DLG2: variants seen among roughly 807,000 people sequenced by gnomAD.
DLG2 encodes disks large homolog 2.
In DLG2, 45 loss-of-function variants were observed where a neutral mutation model predicts 132.5. That is an observed-to-expected ratio of 0.34 (90% confidence interval 0.27 to 0.44). The LOEUF (loss-of-function observed/expected upper bound fraction) is 0.44. Ranked by LOEUF, DLG2 falls within the 20% of genes least tolerant of loss-of-function variation. DLG2 has a pLI of 1.00. For synonymous variants in DLG2, 424 were observed against 419.6 expected, an observed-to-expected ratio of 1.01 and a Z score of -0.13; for missense variants, 1,045 against 1,196.9, an observed-to-expected ratio of 0.87 and a Z score of 1.87.
At chr11:85,442,537 G>C (rs2091832974) in intron 3 of DLG2, among the ~76,000 whole-genome samples, 1 of 152,068 alleles carries the variant, frequency 6.6e-6, no homozygotes, top group African/African-American at 2.4e-5. Flanking sequence ...GAGAAAGTTA[G>C]AAATAAAAGG....
At chr11:84,928,035 C>A (rs2047609578) in intron 6 of DLG2, among the ~76,000 whole-genome samples, 1 of 151,612 alleles carries the variant, frequency 6.6e-6, no homozygotes. Context: ...TTGGCTCTCA[C>A]AAAAAATAGG....
At chr11:85,471,851 C>A (rs1403010712) in intron 3 of DLG2, among the ~76,000 whole-genome samples, 2 of 151,426 alleles carry the variant, frequency 1.3e-5, no homozygotes, top group African/African-American at 4.9e-5. Flanking sequence ...GACTAGCACA[C>A]CAAATTAAAA....
intron 7 of DLG2, among the ~76,000 whole-genome samples, chr11:84,478,843 T>G (rs2099128954): frequency 6.6e-6 from 1 of 152,060 alleles, no homozygotes; most frequent in South Asian, 2.1e-4. Context: ...ATCCCAAAAC[T>G]AGAATCTTTG....
At chr11:84,920,938 C>T (rs1030184072) in intron 6 of DLG2, among the ~76,000 whole-genome samples, 1 of 151,984 alleles carries the variant, frequency 6.6e-6, no homozygotes, top group African/African-American at 2.4e-5. Context: ...TGAATTTTAA[C>T]CATCTTAAAG....
chr11:84,626,764 A>T (rs931155488), intron 6 of DLG2, among the ~76,000 whole-genome samples: 12 of 152,306 alleles, frequency 7.9e-5, no homozygotes, highest in African/African-American at 2.6e-4. Context: ...AAGGTTTTCT[A>T]AGCAGTGCTC....
At chr11:84,427,880 C>A (rs1015039743) in intron 7 of DLG2, among the ~76,000 whole-genome samples, 1 of 152,160 alleles carries the variant, frequency 6.6e-6, no homozygotes, top group Admixed American at 6.5e-5. Flanking sequence ...AAGTTACCAG[C>A]CCTTCTGATA....
intron 12 of DLG2, among the ~76,000 whole-genome samples, chr11:83,980,144 G>C (rs565689242): frequency 6.6e-6 from 1 of 152,082 alleles, no homozygotes; most frequent in East Asian, 1.9e-4. Context: ...AGATAATTAA[G>C]GTTAAATGAG....
chr11:84,397,185 G>C (rs959629201), intron 7 of DLG2, among the ~76,000 whole-genome samples: 1 of 152,030 alleles, frequency 6.6e-6, no homozygotes, highest in Non-Finnish European at 1.5e-5. Flanking sequence ...AAGAGTAAAG[G>C]GAAATTTGAA....
intron 7 of DLG2, among the ~76,000 whole-genome samples, chr11:84,456,427 G>A (rs2099065531): frequency 6.6e-6 from 1 of 151,190 alleles, no homozygotes; most frequent in African/African-American, 2.4e-5. Flanking sequence ...TATGTGCAAG[G>A]CATTGTGCTA....
At chr11:85,479,679 A>C (rs1226187759) in intron 3 of DLG2, among the ~76,000 whole-genome samples, 1 of 152,180 alleles carries the variant, frequency 6.6e-6, no homozygotes, top group African/African-American at 2.4e-5. Context: ...GTTTGCGAGA[A>C]CTACAGTAAT....
At chr11:84,886,170 G>C (rs1056660701) in intron 6 of DLG2, among the ~76,000 whole-genome samples, 1 of 152,120 alleles carries the variant, frequency 6.6e-6, no homozygotes, top group Non-Finnish European at 1.5e-5. Context: ...TGAAATATAA[G>C]CTAGGTTTAG....
chr11:84,335,326 A>G (rs2098479313), intron 7 of DLG2, among the ~76,000 whole-genome samples: 1 of 152,098 alleles, frequency 6.6e-6, no homozygotes, highest in Non-Finnish European at 1.5e-5. Context: ...AGTAATACAA[A>G]GAAGTTTATA....
intron 6 of DLG2, among the ~76,000 whole-genome samples, chr11:84,939,213 A>C (rs1354403567): frequency 6.6e-6 from 1 of 152,168 alleles, no homozygotes; most frequent in Admixed American, 6.5e-5. Flanking sequence ...CTATACAAAA[A>C]AATGGCCAGA....
At chr11:84,166,059 G>A (rs969526287) in intron 8 of DLG2, among the ~76,000 whole-genome samples, 1 of 152,186 alleles carries the variant, frequency 6.6e-6, no homozygotes, top group African/African-American at 2.4e-5. Flanking sequence ...ACAGGAGCCA[G>A]TGAGAGAGTT....
intron 14 of DLG2, among the ~76,000 whole-genome samples, chr11:83,936,510 C>G (rs1386263866): frequency 6.6e-6 from 1 of 152,202 alleles, no homozygotes; most frequent in Admixed American, 6.5e-5. Context: ...TTAGATACCA[C>G]AGTCTGCAAA....
intron 7 of DLG2, among the ~76,000 whole-genome samples, chr11:84,410,901 C>G (rs4944490): frequency 2.0e-5 from 3 of 152,028 alleles, no homozygotes; most frequent in Non-Finnish European, 2.9e-5. Context: ...TTTTTAAGAG[C>G]TTATGGATCT....
At chr11:85,396,057 A>T (rs2087327850) in intron 3 of DLG2, among the ~76,000 whole-genome samples, 2 of 152,182 alleles carry the variant, frequency 1.3e-5, no homozygotes, top group South Asian at 2.1e-4. Flanking sequence ...CTCTGGGACG[A>T]TGCTTCCAGA....
At chr11:84,581,060 C>T (rs1224282150) in intron 6 of DLG2, among the ~76,000 whole-genome samples, 2 of 152,128 alleles carry the variant, frequency 1.3e-5, no homozygotes, top group East Asian at 1.9e-4. Context: ...AAAATGACTC[C>T]AGTATTTGTG....
intron 17 of DLG2, among the ~76,000 whole-genome samples, chr11:83,802,542 T>A (rs1192151777): frequency 6.6e-6 from 1 of 152,196 alleles, no homozygotes; most frequent in Non-Finnish European, 1.5e-5. Context: ...TATTCTTTAT[T>A]TAAACTTAGT....
Sources: gnomAD v4.1 joint callset for allele counts (sites outside exome capture counted in the v4.1 genomes callset) on GRCh38, gnomAD v4.1.1 for gene constraint, MANE v1.5 for transcripts, NCBI Gene and HGNC (gene_info 2026-07-23, HGNC 2026-07-21) for gene names.